EDNRB: variants seen among roughly 807,000 people sequenced by gnomAD.
EDNRB encodes the protein Hirschsprung disease 2.
A neutral mutation model predicts 46.4 loss-of-function variants in EDNRB; 18 were observed. That is an observed-to-expected ratio of 0.39 (90% CI 0.27 to 0.57). The LOEUF (loss-of-function observed/expected upper bound fraction) is 0.57. Among genes scored for constraint, EDNRB ranks in the 20% least tolerant of loss-of-function variants. The pLI, the probability that EDNRB is intolerant of heterozygous loss-of-function variation, is 0.61. For missense variants in EDNRB, 434 were observed against 537.5 expected (o/e 0.81, Z 1.90); for synonymous variants, 213 against 204.9 (o/e 1.04, Z -0.34).
Position 77,918,349 on chromosome 13 carries a change from G to A in EDNRB, c.225C>T (p.Asp75=). 6.2e-7 allele frequency: 1 copy of A among 1,613,750 alleles called. No homozygotes were observed. Residue 75 remains aspartate (D), a synonymous_variant, in exon 1 of 7, where the codon GAC becomes GAT. Transcript: ENST00000646607. The surrounding 1 kb of genome is among the most constrained non-coding windows in gnomAD (Gnocchi z 4.5). ...SLAPAEVPKG[D]RTAGSPPRTI... ...TGCGTGGCGGAGATCCTGCCGTCCT[G>A]TCTCCTTTAGGCACCTCCGCAGGTG...
At chr13:77,898,476 A>T in intron 6 of EDNRB, 142 bp from the exon 7 acceptor site, 1 of 1,237,666 alleles carries the variant, frequency 8.1e-7, no homozygotes, top group Non-Finnish European at 1.1e-6. Context: ...TTCCCTCTTA[A>T]AAGAATATAA....
At chr13:77,926,043 C>T (rs1880227057) in intron 1 of EDNRB, among the ~76,000 whole-genome samples, 1 of 152,136 alleles carries the variant, frequency 6.6e-6, no homozygotes, top group Non-Finnish European at 1.5e-5. Flanking sequence ...TGCATGGGGC[C>T]GGAAGCCCCT....
chr13:77,898,415 T>G lies in EDNRB; in HGVS notation c.1195-81A>C, dbSNP rs573791419. The G allele has an allele frequency of 1.9e-5, 31 of 1,592,942 alleles. No individual in the cohort carries two copies. The South Asian group carries it at 3.4e-4, about 17-fold the overall frequency. On this transcript the variant is annotated intron_variant, in intron 6 of 6. Coordinates refer to ENST00000646607, the MANE Select transcript of EDNRB (RefSeq NM_001122659.3). ...TTCCTCCTCTCCAGGGTTCTGACTT[T>G]CTTTGTATGATTAGGAGTTCTTGGG...
chr13:77,924,031 T>C (rs1880162310), upstream of EDNRB, among the ~76,000 whole-genome samples: 1 of 152,218 alleles, frequency 6.6e-6, no homozygotes, highest in Non-Finnish European at 1.5e-5. Flanking sequence ...GATTTAATTG[T>C]AGGGGAATAG....
intron 1 of EDNRB, among the ~76,000 whole-genome samples, chr13:77,957,919 T>G (rs1881287193): frequency 3.3e-5 from 5 of 152,350 alleles, no homozygotes; most frequent in South Asian, 4.1e-4. Context: ...ATAAATTGAT[T>G]TACTCCAAGG....
In EDNRB at chr13:77,918,475, A is replaced by G. The variant is rs1050929; in HGVS notation, c.99T>C (p.Pro33=). ...TTTGCAAAAGCGGAGTGGCCCTGTC[A>G]GGCGGGAAGCCTCTCTCCTCTCCCC... is the stretch of plus-strand genomic sequence containing the variant. The part of the protein sequence containing the change: ...RIWGEERGFP[P]DRATPLLQTA... Residue 33 remains proline (P), a synonymous_variant, in exon 1 of 7, where the codon CCT becomes CCC. Transcript: ENST00000646607. The surrounding 1 kb of genome is among the most constrained non-coding windows in gnomAD (Gnocchi z 4.5). The G allele has an allele frequency of 3.5e-5, 55 of 1,562,186 alleles. 1 individual carries two copies. The highest frequency in any genetic ancestry group is 4.7e-5 in the Non-Finnish European group (54 of 1,158,228).
At position 77,895,563 on chromosome 13, in the gene EDNRB, C is replaced by G. The variant is rs1029786463; in HGVS notation, c.*2637G>C. On this transcript the variant is annotated 3_prime_UTR_variant, in exon 7 of 7. Coordinates refer to ENST00000646607, the MANE Select transcript of EDNRB (RefSeq NM_001122659.3). ...GTATATTTAACATAAATAATGTCCA[C>G]TTGTCACATTTATATTTCTTTTAAA... The G allele has an allele frequency of 6.6e-6, 1 of 151,926 alleles. No individual in the cohort carries two copies. The highest frequency in any genetic ancestry group is 2.4e-5 in the African/African-American group (1 of 41,390). 9.4% of individuals were successfully genotyped at this position (151,926 alleles called of 1,614,324 possible).
chr13:77,915,017 C>A (rs946694522), intron 1 of EDNRB, among the ~76,000 whole-genome samples: 1 of 152,072 alleles, frequency 6.6e-6, no homozygotes, highest in African/African-American at 2.4e-5. Flanking sequence ...AATTATAAAA[C>A]CCCACCAAAA....
intron 1 of EDNRB, among the ~76,000 whole-genome samples, chr13:77,925,843 C>T (rs548660910): frequency 3.3e-5 from 5 of 152,176 alleles, no homozygotes; most frequent in Non-Finnish European, 7.3e-5. Flanking sequence ...CTGGAAAAGA[C>T]GCAGACAATC....
intron 1 of EDNRB, among the ~76,000 whole-genome samples, chr13:77,929,637 A>T (rs987688508): frequency 5.9e-5 from 9 of 152,144 alleles, no homozygotes; most frequent in Admixed American, 2.6e-4. Context: ...GACTATTCCA[A>T]CACTTTCATG....
rs187467048 is a variant in EDNRB at position 77,943,684 on chromosome 13, C to A, written c.-51-25060G>T. Among the ~76,000 whole-genome samples, 50 of 152,110 alleles carry A rather than the reference C, an allele frequency of 3.3e-4. 1 individual carries two copies. In the East Asian group the frequency reaches 9.6e-3, roughly 29 times the overall value. On this transcript the variant is annotated intron_variant, in intron 1 of 7. Coordinates refer to the EDNRB transcript ENST00000646948. ...ACTTATGAAATCTAATTGTTTTTGG[C>A]CTTTCCTCATGGAAACTTCAACTTC...
intron 1 of EDNRB, among the ~76,000 whole-genome samples, chr13:77,958,787 T>A (rs956003636): frequency 6.6e-6 from 1 of 152,218 alleles, no homozygotes; most frequent in Admixed American, 6.5e-5. Flanking sequence ...CAGCCTCAGG[T>A]GGCTGATGTT....
At chr13:77,962,871 C>A (rs914574509) in intron 1 of EDNRB, among the ~76,000 whole-genome samples, 4 of 152,152 alleles carry the variant, frequency 2.6e-5, no homozygotes, top group African/African-American at 9.7e-5. Context: ...ATTTAGAAAA[C>A]CCCATTGTCT....
At chr13:77,944,808 C>A (rs1880857799) in intron 1 of EDNRB, 1 of 152,162 alleles carries the variant, frequency 6.6e-6, no homozygotes, top group African/African-American at 2.4e-5. Context: ...AGTTTACCTG[C>A]ATGTTAGAGG....
intron 1 of EDNRB, among the ~76,000 whole-genome samples, chr13:77,929,124 G>T (rs1264160370): frequency 6.6e-6 from 1 of 152,102 alleles, no homozygotes; most frequent in Non-Finnish European, 1.5e-5. Flanking sequence ...ACACATTTCT[G>T]GAAGTGACTG....
At chr13:77,949,573 T>C (rs1169222309) in intron 1 of EDNRB, among the ~76,000 whole-genome samples, 2 of 152,158 alleles carry the variant, frequency 1.3e-5, no homozygotes, top group African/African-American at 4.8e-5. Flanking sequence ...CCTTAGACCT[T>C]AATTGACACA....
intron 1 of EDNRB, among the ~76,000 whole-genome samples, chr13:77,959,133 C>T (rs1454538852): frequency 6.6e-6 from 1 of 152,158 alleles, no homozygotes; most frequent in African/African-American, 2.4e-5. Context: ...TGCAATCCTT[C>T]ATCATTACTT....
chr13:77,935,767 G>C (rs1880542991), intron 1 of EDNRB, among the ~76,000 whole-genome samples: 1 of 152,174 alleles, frequency 6.6e-6, no homozygotes, highest in Admixed American at 6.5e-5. Flanking sequence ...AGCAAAGAAA[G>C]GCTGGGATGA....
At chr13:77,940,564 G>T (rs1880713802) in intron 1 of EDNRB, among the ~76,000 whole-genome samples, 1 of 152,208 alleles carries the variant, frequency 6.6e-6, no homozygotes, top group African/African-American at 2.4e-5. Flanking sequence ...TGGAGAAACA[G>T]GAAGCTCTAA....
Sources: allele counts gnomAD v4.1 joint callset (sites outside exome capture counted in the v4.1 genomes callset), GRCh38; gene constraint gnomAD v4.1.1; non-coding constraint Gnocchi (gnomAD v3.1); transcripts MANE v1.5; gene names NCBI Gene and HGNC (gene_info 2026-07-23, HGNC 2026-07-21).